The following ERLEC1 variants were observed in gnomAD, a reference collection of about 807,000 sequenced individuals.
ERLEC1 encodes the protein ER lectin.
Under a neutral mutation model 68.0 loss-of-function variants are expected in ERLEC1, and 47 were observed. That is an observed-to-expected ratio of 0.69 (90% CI 0.55 to 0.88). The LOEUF is 0.88. Among genes scored for constraint, ERLEC1 ranks in the 40% least tolerant of loss-of-function variants. ERLEC1 has a pLI of 0.00. For synonymous variants in ERLEC1, 225 were observed against 203.2 expected (o/e 1.11, Z -0.91); for missense variants, 567 against 583.8 (o/e 0.97, Z 0.30).
intron 2 of ERLEC1, among the ~76,000 whole-genome samples, chr2:53,795,488 A>G (rs1377035526): frequency 1.3e-5 from 2 of 152,320 alleles, no homozygotes; most frequent in Non-Finnish European, 2.9e-5. Flanking sequence ...TGAAATGTAA[A>G]AATACATAAA....
In ERLEC1 at chr2:53,814,506, T is replaced by G. The variant is rs1252896649; in HGVS notation, c.1227-37T>G. 2.7e-6 allele frequency: 4 copies of G among 1,478,002 alleles called. No homozygotes were observed. In the South Asian group the frequency reaches 3.5e-5, roughly 13 times the overall value. The allele number at this position is 1,478,002 out of a possible 1,614,324, so 91.6% of individuals were successfully genotyped here. A position where few individuals can be genotyped will look rare whatever the true frequency, so the allele number is the denominator to read the frequency against. Reference sequence around the variant, plus strand: ...ATTACAATTATTCTATTAGTGAGATTTTAGTTTAATAAAACTTGTGTGTTT... The same window carrying G: ...ATTACAATTATTCTATTAGTGAGATGTTAGTTTAATAAAACTTGTGTGTTT... On this transcript the variant is annotated intron_variant, in intron 11 of 13. Coordinates refer to ENST00000185150, the MANE Select transcript of ERLEC1 (RefSeq NM_015701.5).
intron 11 of ERLEC1, 107 bp downstream of exon 11, chr2:53,813,180 T>C: frequency 7.2e-7 from 1 of 1,388,564 alleles, no homozygotes; most frequent in Non-Finnish European, 9.8e-7. Flanking sequence ...CCCTGTTTAG[T>C]TTTTTTCAAG....
chr2:53,818,400 A>C lies in ERLEC1; in HGVS notation c.*431A>C, dbSNP rs1178302777. ...AATTGATAGGTGTAAATGAGAGACC[A>C]TGTAAAATATGTAAATTCTAGTACC... On this transcript the variant is annotated 3_prime_UTR_variant, in exon 14 of 14. Transcript: ENST00000185150. 6.5e-6 allele frequency: 1 copy of C among 152,932 alleles called. No homozygotes were observed. Among genetic ancestry groups the C allele is most frequent in the East Asian group, 1.9e-4 (1 of 5,234 alleles). 9.5% of individuals were successfully genotyped at this position (152,932 alleles called of 1,614,324 possible).
chr2:53,799,073 T>C lies in ERLEC1; in HGVS notation c.517T>C (p.Ser173Pro), dbSNP rs201137433. Residue 173 changes from serine to proline, a missense_variant, in exon 6 of 14, where the codon TCA (serine) becomes CCA (proline). Transcript: ENST00000185150. ...ACGAGAAGCAGAAGAAAAGGAAAAATCAAATGAGGCAAGTGACAGATGTTG... is the reference window on the plus strand; with the variant it reads ...ACGAGAAGCAGAAGAAAAGGAAAAACCAAATGAGGCAAGTGACAGATGTTG... ...KEREAEEKEK[S>P]NEIPTKNIEG... is the part of the protein sequence containing the mutation. 1 of 1,612,192 alleles carries C rather than the reference T, an allele frequency of 6.2e-7. No homozygotes were observed. The highest frequency in any genetic ancestry group is 1.3e-5 in the African/African-American group (1 of 74,992).
chr2:53,812,679 G>A (rs949103135), intron 10 of ERLEC1, among the ~76,000 whole-genome samples: 13 of 152,120 alleles, frequency 8.5e-5, no homozygotes, highest in African/African-American at 2.2e-4. Context: ...GGACTTACCT[G>A]TAGAAGAGAA....
chr2:53,804,299 C>T (rs2542593), intron 8 of ERLEC1, among the ~76,000 whole-genome samples: 79,201 of 151,864 alleles, frequency 0.52, 21,044 homozygotes, highest in East Asian at 0.62. Flanking sequence ...TTCCCCTAAG[C>T]TGGAGTGCTG....
At chr2:53,814,459 TA>T in intron 11 of ERLEC1, 83 bp from the exon 12 acceptor site, 1 of 911,080 alleles carries the variant, frequency 1.1e-6, no homozygotes, top group Non-Finnish European at 1.7e-6. Flanking sequence ...CTGATCCCTC[TA>T]ACCATCTTCT....
At chr2:53,791,215 C>T (rs1243748908) in intron 1 of ERLEC1, among the ~76,000 whole-genome samples, 1 of 152,214 alleles carries the variant, frequency 6.6e-6, no homozygotes, top group Non-Finnish European at 1.5e-5. Flanking sequence ...AGTTCCTTAA[C>T]TTTTAAAGTA....
intron 6 of ERLEC1, among the ~76,000 whole-genome samples, chr2:53,800,948 AT>A (rs1675970578): frequency 6.6e-6 from 1 of 152,084 alleles, no homozygotes; most frequent in African/African-American, 2.4e-5. Context: ...ATACAACCCT[AT>A]TTTTTGGCAA....
At position 53,788,376 on chromosome 2, in the gene ERLEC1, TTTG is replaced by T. The variant is rs1675193716; in HGVS notation, c.162+1005_162+1007del. ...TTTGCAAGTGTTAGGGGTTTTTTGG[TTTG>T]GTTTGGTTTGGTTTGGGTTTTTCTG... On this transcript the variant is annotated intron_variant, in intron 1 of 13. Coordinates refer to ENST00000185150, the MANE Select transcript of ERLEC1 (RefSeq NM_015701.5). 7.2e-5 allele frequency among the ~76,000 whole-genome samples: 11 copies of T among 152,018 alleles called. No homozygotes were observed. The South Asian group carries it at 2.3e-3, about 32-fold the overall frequency.
chr2:53,787,582 G>A, intron 1 of ERLEC1: 1 of 465,190 alleles, frequency 2.1e-6, no homozygotes, highest in South Asian at 5.4e-5. Context: ...TAGGGATCCA[G>A]CAATCACCTG....
At chr2:53,796,083 C>CGTTT (rs1675681427) in intron 3 of ERLEC1, 70 bp downstream of exon 3, 2 of 1,062,764 alleles carry the variant, frequency 1.9e-6, no homozygotes, top group African/African-American at 3.3e-5. Flanking sequence ...TTGAAAATAC[C>CGTTT]GTTTCTTCTT....
At chr2:53,798,869 C>G (rs552586104) in intron 5 of ERLEC1, among the ~76,000 whole-genome samples, 178 bp from the exon 6 acceptor site, 1 of 152,042 alleles carries the variant, frequency 6.6e-6, no homozygotes, top group Admixed American at 6.6e-5. Flanking sequence ...TTAAATATGA[C>G]TTCCTTTCAT....
At chr2:53,807,070 T>C (rs1676333727) in intron 8 of ERLEC1, among the ~76,000 whole-genome samples, 1 of 152,186 alleles carries the variant, frequency 6.6e-6, no homozygotes, top group Non-Finnish European at 1.5e-5. Context: ...AAGTAATACT[T>C]AAAAATATCA....
At chr2:53,816,919 T>A (rs973707850) in intron 13 of ERLEC1, among the ~76,000 whole-genome samples, 2 of 152,176 alleles carry the variant, frequency 1.3e-5, no homozygotes, top group African/African-American at 4.8e-5. Flanking sequence ...GATACTCCAA[T>A]AAGACATGTT....
At chr2:53,815,281 C>T (rs1482920040) in intron 13 of ERLEC1, among the ~76,000 whole-genome samples, 1 of 152,088 alleles carries the variant, frequency 6.6e-6, no homozygotes, top group East Asian at 1.9e-4. Flanking sequence ...GCTGGGATTA[C>T]AGGTGTGAGC....
At chr2:53,797,882 T>C in intron 5 of ERLEC1, 87 bp downstream of exon 5, 1 of 1,208,592 alleles carries the variant, frequency 8.3e-7, no homozygotes, top group East Asian at 2.3e-5. Context: ...ATTTTTTTTT[T>C]GGACATTGTG....
chr2:53,801,665 T>G (rs1200951726), intron 7 of ERLEC1, 45 bp downstream of exon 7: 1 of 1,612,672 alleles, frequency 6.2e-7, no homozygotes, highest in South Asian at 1.1e-5. Context: ...GCACACATGC[T>G]TTAAAGTGTT....
intron 13 of ERLEC1, among the ~76,000 whole-genome samples, chr2:53,815,727 G>GCAC (rs1168275776): frequency 6.6e-6 from 1 of 151,824 alleles, no homozygotes; most frequent in Admixed American, 6.6e-5. Context: ...GTGGTGTTTT[G>GCAC]TTTAGTTGAT....
Sources: gnomAD v4.1 joint callset for allele counts (sites outside exome capture counted in the v4.1 genomes callset) on GRCh38, gnomAD v4.1.1 for gene constraint, MANE v1.5 for transcripts, NCBI Gene and HGNC (gene_info 2026-07-23, HGNC 2026-07-21) for gene names.